The following HUWE1 variants were observed in gnomAD, a reference collection of about 807,000 sequenced individuals.
HUWE1 encodes E3 ubiquitin-protein ligase HUWE1.
HUWE1 carries 18 observed loss-of-function variants against 299.4 expected under a neutral mutation model. The observed-to-expected ratio is 0.06, with a 90% CI of 0.04 to 0.09. The LOEUF is 0.09. HUWE1 is among the 10% of genes least tolerant of loss of function. The pLI, the probability that HUWE1 is intolerant of heterozygous loss-of-function variation, is 1.00. For missense variants in HUWE1, 1,832 were observed against 3,462.3 expected, an observed-to-expected ratio of 0.53 and a Z score of 11.82; for synonymous variants, 1,317 against 1,286.1, an observed-to-expected ratio of 1.02 and a Z score of -0.51.
At chrX:53,655,399 TTG>T in intron 3 of HUWE1, among the ~76,000 whole-genome samples, 1 of 111,978 alleles carries the variant, frequency 8.9e-6, no homozygotes. Flanking sequence ...AAGGAAGAGT[TTG>T]TGAAAAATTC....
chrX:53,587,878 C>A (rs980311406), intron 37 of HUWE1, among the ~76,000 whole-genome samples: 4 of 111,835 alleles, frequency 3.6e-5, no homozygotes. Context: ...CCAAACCACT[C>A]TCTTGCCTCA....
In HUWE1 at chrX:53,589,565, C is replaced by A; in HGVS notation, c.4443G>T (p.Leu1481=). ...RNGADYRDMI[L]KQVVNQVWEA... ...AGCTCACCTGATTGACTACTTGCTT[C>A]AGAATCATGTCACGATAATCTGCTC... The change falls in exon 36 of 84, where the codon CTG becomes CTT. Residue 1481 remains leucine (L), a synonymous_variant. Coordinates refer to ENST00000262854, the MANE Select transcript of HUWE1 (RefSeq NM_031407.7). The A allele has an allele frequency of 1.7e-6, 2 of 1,211,535 alleles. No homozygotes were observed. The highest frequency in any genetic ancestry group is 2.2e-6 in the Non-Finnish European group (2 of 895,268).
chrX:53,627,060 G>A (rs189691806), intron 17 of HUWE1, among the ~76,000 whole-genome samples: 16 of 110,935 alleles, frequency 1.4e-4, no homozygotes, highest in East Asian at 8.4e-4. Flanking sequence ...CAGGCACTGC[G>A]GCAGTGAAAA....
chrX:53,665,095 C>G (rs1471051399), intron 3 of HUWE1, among the ~76,000 whole-genome samples: 1 of 111,666 alleles, frequency 9.0e-6, no homozygotes, highest in East Asian at 2.8e-4. Context: ...AAACCCAAAT[C>G]TGTTCCACAA....
At chrX:53,637,394 T>C (rs2067286957) in intron 7 of HUWE1, among the ~76,000 whole-genome samples, 1 of 112,498 alleles carries the variant, frequency 8.9e-6, no homozygotes, top group African/African-American at 3.2e-5. Context: ...CTGAAAACCA[T>C]AAAGTAAGGA....
At chrX:53,646,802 G>A (rs1225072258) in intron 6 of HUWE1, among the ~76,000 whole-genome samples, 1 of 112,058 alleles carries the variant, frequency 8.9e-6, no homozygotes, top group Admixed American at 9.5e-5. Context: ...ATGATAAAAA[G>A]TCTAAAGTTG....
At chrX:53,679,224 G>GT (rs1206342879) in intron 3 of HUWE1, among the ~76,000 whole-genome samples, 5 of 110,865 alleles carry the variant, frequency 4.5e-5, no homozygotes, top group Non-Finnish European at 7.6e-5. Flanking sequence ...TTTAACAGCT[G>GT]TATCAATGCT....
chrX:53,563,226 G>A (rs1356974864), intron 52 of HUWE1, among the ~76,000 whole-genome samples: 2 of 112,258 alleles, frequency 1.8e-5, no homozygotes, highest in Non-Finnish European at 3.8e-5. Flanking sequence ...TTAAGAATAC[G>A]TGTCTACTTC....
At chrX:53,616,567 CTCAAT>C (rs1329361122) in intron 21 of HUWE1, among the ~76,000 whole-genome samples, 1 of 111,459 alleles carries the variant, frequency 9.0e-6, no homozygotes, top group African/African-American at 3.3e-5. Flanking sequence ...CTAATAATCT[CTCAAT>C]TATCTGGTCT....
chrX:53,658,041 C>A (rs2068830700), intron 3 of HUWE1, among the ~76,000 whole-genome samples: 2 of 390 alleles, frequency 5.1e-3, no homozygotes, highest in Admixed American at 0.04. Context: ...CAAAGCAAGA[C>A]TCCGTCTCAA....
Position 53,551,053 on chromosome X carries a change from T to G in HUWE1, c.9233A>C (p.Glu3078Ala). ...DLRRSVLEDM[E>A]DSVLAVMPPD... ...TGGCATCACAGCTAACACACTGTCCTCCATATCCTCTAGGACACTACGGCG... is the reference window on the plus strand; with the variant it reads ...TGGCATCACAGCTAACACACTGTCCGCCATATCCTCTAGGACACTACGGCG... The change falls in exon 65 of 84, where the codon GAG becomes GCG. Residue 3078 changes from glutamate (E) to alanine (A), a missense_variant. By Grantham distance (107) the Glu-to-Ala change is moderately radical. Transcript: ENST00000262854. 8.3e-7 allele frequency: 1 copy of G among 1,211,617 alleles called. No homozygotes were observed. The highest frequency in any genetic ancestry group is 1.1e-6 in the Non-Finnish European group (1 of 895,455).
chrX:53,593,264 G>A lies in HUWE1; in HGVS notation c.3741+100C>T, dbSNP rs1206040539. The A allele has an allele frequency of 2.1e-5, 13 of 624,855 alleles. No homozygotes were observed. The Admixed American group carries it at 2.8e-4, about 14-fold the overall frequency. 51.5% of individuals were successfully genotyped at this position (624,855 alleles called of 1,213,427 possible). A position where few individuals can be genotyped will look rare whatever the true frequency, so the allele number is the denominator to read the frequency against. On this transcript the variant is annotated intron_variant, in intron 32 of 83. Transcript: ENST00000262854. ...CCCTATCTGGGAGTTGGATCCAGTG[G>A]TTCTTAAATAAGCATGTTATTTCAT... is the stretch of plus-strand genomic sequence containing the variant.
Position 53,580,714 on chromosome X carries a change from T to A in HUWE1, c.5716+117A>T, listed in dbSNP as rs1033602620. The A allele has an allele frequency of 5.9e-6, 4 of 675,565 alleles. No individual in the cohort carries two copies. The African/African-American group carries it at 8.8e-5, about 15-fold the overall frequency. 55.7% of individuals were successfully genotyped at this position (675,565 alleles called of 1,213,427 possible). On this transcript the variant is annotated intron_variant, in intron 43 of 83. Transcript: ENST00000262854. ...CCCAAACAATCAATTAGCCAGCAAA[T>A]GTCCTAATACTTGCCTAAGGAGGCT...
chrX:53,539,186 A>C, intron 75 of HUWE1, 106 bp from the exon 76 acceptor site: 2 of 905,975 alleles, frequency 2.2e-6, no homozygotes, highest in Non-Finnish European at 3.1e-6. Context: ...GGAAGAAGAA[A>C]TAGTGAAAAC....
chrX:53,592,247 A>G, intron 33 of HUWE1, 151 bp downstream of exon 33: 1 of 498,453 alleles, frequency 2.0e-6, no homozygotes, highest in Non-Finnish European at 3.5e-6. Context: ...TCAGGAGAAA[A>G]AAAATAAATA....
At chrX:53,535,891 T>C (rs961999672) in intron 80 of HUWE1, 5 of 369,990 alleles carry the variant, frequency 1.4e-5, no homozygotes, top group African/African-American at 1.3e-4. Flanking sequence ...TACAAAGACC[T>C]ACCCTTGGGA....
intron 51 of HUWE1, among the ~76,000 whole-genome samples, chrX:53,564,291 C>T (rs782370185): frequency 2.7e-5 from 3 of 111,910 alleles, no homozygotes; most frequent in East Asian, 2.8e-4. Flanking sequence ...CGGGGCCCAA[C>T]GGTCTCAGGT....
intron 28 of HUWE1, among the ~76,000 whole-genome samples, chrX:53,601,635 G>A (rs1383936544): frequency 9.3e-6 from 1 of 107,240 alleles, no homozygotes; most frequent in Non-Finnish European, 1.9e-5. Flanking sequence ...TCAGAAAATT[G>A]TGTATGATTT....
chrX:53,630,673 TAAA>T (rs11317885), intron 12 of HUWE1, among the ~76,000 whole-genome samples: 1 of 97,773 alleles, frequency 1.0e-5, no homozygotes, highest in Non-Finnish European at 2.1e-5. Flanking sequence ...GCATATCTAT[TAAA>T]AAAAAAAAAA....
Sources: gnomAD v4.1 joint callset for allele counts (sites outside exome capture counted in the v4.1 genomes callset) on GRCh38, gnomAD v4.1.1 for gene constraint, MANE v1.5 for transcripts, NCBI Gene and HGNC (gene_info 2026-07-23, HGNC 2026-07-21) for gene names.